Variants in PDIA5 observed in about 807,000 individuals in gnomAD.
PDIA5 encodes protein disulfide-isomerase A5.
In PDIA5, 58 loss-of-function variants were observed where a neutral mutation model predicts 77.6. The observed-to-expected ratio is 0.75, with a 90% CI of 0.61 to 0.93. The LOEUF (loss-of-function observed/expected upper bound fraction) is 0.93, where lower values mean the gene tolerates loss of function less well. Among genes scored for constraint, PDIA5 ranks in the 40% least tolerant of loss-of-function variants. The pLI is 0.00. For missense variants in PDIA5, 630 were observed against 647.7 expected, an observed-to-expected ratio of 0.97 and a Z score of 0.30; for synonymous variants, 250 against 252.1, an observed-to-expected ratio of 0.99 and a Z score of 0.08.
At chr3:123,158,945 CTCT>C (rs1936084971) in intron 15 of PDIA5, among the ~76,000 whole-genome samples, 1 of 152,220 alleles carries the variant, frequency 6.6e-6, no homozygotes, top group East Asian at 1.9e-4. Flanking sequence ...ACGCATTTGT[CTCT>C]TCTTCTGTGG....
chr3:123,145,780 C>G (rs1976715), intron 12 of PDIA5, among the ~76,000 whole-genome samples, 188 bp downstream of exon 12: 96,897 of 152,070 alleles, frequency 0.64, 31,944 homozygotes, highest in East Asian at 0.83. Flanking sequence ...AGACTACTGG[C>G]CCATGTTCCC....
Position 123,124,301 on chromosome 3 carries a change from A to T in PDIA5, c.731A>T (p.Asn244Ile). The T allele has an allele frequency of 1.2e-6, 2 of 1,613,914 alleles. No homozygotes were observed. Among genetic ancestry groups the T allele is most frequent in the South Asian group, 2.2e-5 (2 of 91,082 alleles). Residue 244 changes from asparagine to isoleucine, a missense_variant, in exon 10 of 17, where the codon AAC (asparagine) becomes ATC (isoleucine). Transcript: ENST00000316218. ...GGACGGTTCTTGTTCCAGTATGACA[A>T]CTATGGGTCCACAGCTGAGGACATT... Reference protein sequence around the residue: ...EKGRFLFQYDNYGSTAEDIVE... With the variant: ...EKGRFLFQYDIYGSTAEDIVE...
intron 5 of PDIA5, among the ~76,000 whole-genome samples, chr3:123,104,751 G>C (rs1054593359): frequency 6.6e-5 from 10 of 152,206 alleles, no homozygotes; most frequent in African/African-American, 1.4e-4. Flanking sequence ...ATGACTCACT[G>C]ATGACCTCAG....
At chr3:123,124,373 G>C in intron 10 of PDIA5, 30 bp downstream of exon 10, 1 of 1,539,206 alleles carries the variant, frequency 6.5e-7, no homozygotes, top group Non-Finnish European at 9.0e-7. Flanking sequence ...GTCAGTGGGC[G>C]TGGACCCAGA....
intron 2 of PDIA5, among the ~76,000 whole-genome samples, chr3:123,091,121 T>C (rs1204929758): frequency 6.6e-6 from 1 of 152,140 alleles, no homozygotes. Context: ...AACAATGGCT[T>C]TCCCCACATC....
At chr3:123,141,583 G>C (rs2107977342) in intron 11 of PDIA5, among the ~76,000 whole-genome samples, 2 of 152,322 alleles carry the variant, frequency 1.3e-5, no homozygotes, top group East Asian at 3.9e-4. Context: ...GCCCCAGTCA[G>C]GGGAGGTCAG....
At chr3:123,068,192 T>C (rs554692787) in intron 1 of PDIA5, among the ~76,000 whole-genome samples, 1 of 152,290 alleles carries the variant, frequency 6.6e-6, no homozygotes, top group East Asian at 1.9e-4. Context: ...CCAGGGAACT[T>C]CCTGTTCCTG....
At chr3:123,081,070 C>G (rs569430077) in intron 1 of PDIA5, among the ~76,000 whole-genome samples, 1 of 152,234 alleles carries the variant, frequency 6.6e-6, no homozygotes, top group Non-Finnish European at 1.5e-5. Context: ...GCTTACATTC[C>G]AAGGGCTGGA....
chr3:123,105,406 G>A (rs1342117627), intron 5 of PDIA5, among the ~76,000 whole-genome samples: 9 of 152,138 alleles, frequency 5.9e-5, no homozygotes, highest in African/African-American at 9.7e-5. Context: ...TGTGGGTGTC[G>A]GGAAGACCCT....
At chr3:123,128,281 A>G (rs991662990) in intron 10 of PDIA5, among the ~76,000 whole-genome samples, 3 of 152,122 alleles carry the variant, frequency 2.0e-5, no homozygotes, top group Non-Finnish European at 4.4e-5. Context: ...TTCTGACCAG[A>G]AAGTTTTTTG....
At chr3:123,159,564 G>A (rs965216991) in intron 15 of PDIA5, among the ~76,000 whole-genome samples, 1 of 152,194 alleles carries the variant, frequency 6.6e-6, no homozygotes, top group African/African-American at 2.4e-5. Flanking sequence ...AAGCTGGAAA[G>A]CCAAATTGTT....
rs897376872 is a variant in PDIA5 at position 123,070,985 on chromosome 3, G to A, written c.42+3779G>A. ...AATGCAAATGTTTTCAGTTTAAAAA[G>A]TTGTCAATTTTTCTGACATGACGAT... On this transcript the variant is annotated intron_variant, in intron 1 of 16. Transcript: ENST00000316218. Among the ~76,000 whole-genome samples, 51 of 151,994 alleles carry A rather than the reference G, an allele frequency of 3.4e-4. 2 individuals are homozygous for A. Among genetic ancestry groups the A allele is most frequent in the Admixed American group, 3.3e-3 (51 of 15,274 alleles).
intron 7 of PDIA5, among the ~76,000 whole-genome samples, chr3:123,112,112 A>G (rs1293004974): frequency 1.3e-5 from 2 of 152,160 alleles, no homozygotes; most frequent in Non-Finnish European, 2.9e-5. Flanking sequence ...GCACCTCCAC[A>G]GTCTAATGGC....
chr3:123,111,794 A>G (rs1455951305), intron 7 of PDIA5, among the ~76,000 whole-genome samples: 1 of 152,258 alleles, frequency 6.6e-6, no homozygotes, highest in East Asian at 1.9e-4. Flanking sequence ...AGCTGAGACA[A>G]AAGTTTCGCA....
At chr3:123,124,242 G>A (rs1267181786) in intron 9 of PDIA5, 30 bp from the exon 10 acceptor site, 12 of 1,592,296 alleles carry the variant, frequency 7.5e-6, no homozygotes, top group Non-Finnish European at 1.0e-5. Flanking sequence ...ATCCGTGACT[G>A]AGCCCACGTT....
chr3:123,097,963 T>C (rs1934482744), intron 3 of PDIA5, among the ~76,000 whole-genome samples: 2 of 152,134 alleles, frequency 1.3e-5, no homozygotes, highest in African/African-American at 4.8e-5. Flanking sequence ...CAGGAGGGGC[T>C]GAGCGTGGTC....
At chr3:123,130,653 C>G (rs1363094868) in intron 11 of PDIA5, 37 bp downstream of exon 11, 7 of 1,610,590 alleles carry the variant, frequency 4.3e-6, no homozygotes, top group Non-Finnish European at 5.9e-6. Flanking sequence ...CCACACCCTC[C>G]CCTCTCTCAG....
intron 11 of PDIA5, among the ~76,000 whole-genome samples, chr3:123,143,392 A>AG (rs200448240): frequency 0.081 from 12,149 of 150,538 alleles, 549 homozygotes; most frequent in African/African-American, 0.098. Flanking sequence ...ATCTCAAAAA[A>AG]AAAAAAAAAA....
At chr3:123,140,769 A>G (rs1935613345) in intron 11 of PDIA5, among the ~76,000 whole-genome samples, 1 of 152,218 alleles carries the variant, frequency 6.6e-6, no homozygotes, top group South Asian at 2.1e-4. Context: ...CAGCACAGAC[A>G]GCGAGTGCTT....
Sources: gnomAD v4.1 joint callset for allele counts (sites outside exome capture counted in the v4.1 genomes callset) on GRCh38, gnomAD v4.1.1 for gene constraint, MANE v1.5 for transcripts, NCBI Gene and HGNC (gene_info 2026-07-23, HGNC 2026-07-21) for gene names.